The following MYO10 variants were observed in gnomAD, a reference collection of about 807,000 sequenced individuals.
MYO10 encodes the protein myosin X.
MYO10 carries 133 observed loss-of-function variants against 257.3 expected under a neutral mutation model. That is an observed-to-expected ratio of 0.52 (90% CI 0.45 to 0.60). The LOEUF (loss-of-function observed/expected upper bound fraction) is 0.60. Ranked by LOEUF, MYO10 falls within the 20% of genes least tolerant of loss-of-function variation. The pLI, the probability that MYO10 is intolerant of heterozygous loss-of-function variation, is 0.00. For synonymous variants in MYO10, 1,104 were observed against 1,028.6 expected (o/e 1.07, Z -1.40); for missense variants, 2,399 against 2,635.7 (o/e 0.91, Z 1.97).
At chr5:16,875,207 A>G (rs915752565) in intron 2 of MYO10, among the ~76,000 whole-genome samples, 1 of 149,602 alleles carries the variant, frequency 6.7e-6, no homozygotes, top group Admixed American at 6.6e-5. Flanking sequence ...CAACGCTTTC[A>G]GGAACACAGT....
intron 19 of MYO10, among the ~76,000 whole-genome samples, chr5:16,724,548 C>A (rs142526187): frequency 6.6e-6 from 1 of 151,258 alleles, no homozygotes. Context: ...ATGCCCAAAA[C>A]GCAGCTCGAT....
chr5:16,801,175 T>TA (rs1022167935), intron 3 of MYO10, among the ~76,000 whole-genome samples: 3 of 152,114 alleles, frequency 2.0e-5, no homozygotes, highest in Non-Finnish European at 2.9e-5. Context: ...AAAGAGCACT[T>TA]AAACAGCTGC....
intron 2 of MYO10, among the ~76,000 whole-genome samples, chr5:16,867,213 C>T (rs1474660523): frequency 6.6e-6 from 1 of 152,210 alleles, no homozygotes; most frequent in South Asian, 2.1e-4. Flanking sequence ...GCACTCAGAT[C>T]GGTCCTCCTC....
At chr5:16,686,739 C>T (rs745759884) in intron 28 of MYO10, among the ~76,000 whole-genome samples, 1 of 152,010 alleles carries the variant, frequency 6.6e-6, no homozygotes, top group African/African-American at 2.4e-5. Flanking sequence ...GTTGGCCAGG[C>T]TGGTCTTGAA....
chr5:16,823,834 A>T (rs1742917143), intron 2 of MYO10, among the ~76,000 whole-genome samples: 1 of 152,046 alleles, frequency 6.6e-6, no homozygotes, highest in South Asian at 2.1e-4. Context: ...CAAGGGCCAC[A>T]ATACTGTAAC....
At chr5:16,772,190 T>C (rs867472377) in intron 9 of MYO10, among the ~76,000 whole-genome samples, 59 of 151,638 alleles carry the variant, frequency 3.9e-4, no homozygotes, top group African/African-American at 1.3e-3. Context: ...TGGAGTGCAA[T>C]GGCATGATCT....
intron 19 of MYO10, among the ~76,000 whole-genome samples, chr5:16,730,790 T>A (rs1196882386): frequency 1.3e-5 from 2 of 152,148 alleles, no homozygotes; most frequent in African/African-American, 4.8e-5. Flanking sequence ...GGAACTCAAA[T>A]ATATTCAAAA....
intron 1 of MYO10, among the ~76,000 whole-genome samples, chr5:16,904,317 C>G (rs1421316930): frequency 2.0e-5 from 3 of 152,110 alleles, no homozygotes; most frequent in African/African-American, 7.2e-5. Context: ...TTACCACTAG[C>G]CAGTAAACGT....
chr5:16,780,529 TC>T lies in MYO10; in HGVS notation c.820del (p.Glu274LysfsTer16). ...CCAGCTGTCGTCCCACTCACCTCTT[TC>T]TTCATGTTCCAGCCCTGCCAGCAGT... ...YALLAGLEHEEREEFYLSTPE... is the reference protein window; with the variant it reads ...YALLAGLEHEXREEFYLSTPE... On this transcript the variant is annotated frameshift_variant, in exon 8 of 41. Transcript: ENST00000513610. LOFTEE classifies it high-confidence loss of function. The T allele has an allele frequency of 6.3e-7, 1 of 1,576,852 alleles. No individual in the cohort carries two copies. Among genetic ancestry groups the T allele is most frequent in the Non-Finnish European group, 8.6e-7 (1 of 1,159,140 alleles).
chr5:16,756,343 G>A (rs1375189585), intron 18 of MYO10, among the ~76,000 whole-genome samples: 2 of 152,186 alleles, frequency 1.3e-5, no homozygotes, highest in East Asian at 1.9e-4. Flanking sequence ...TGGGATTACA[G>A]GCATGTGTCA....
chr5:16,675,977 C>T, intron 34 of MYO10, 54 bp downstream of exon 34: 1 of 1,546,832 alleles, frequency 6.5e-7, no homozygotes, highest in Non-Finnish European at 8.7e-7. Context: ...AAAGAGTTAG[C>T]AGGGCAAGTG....
intron 2 of MYO10, 71 bp downstream of exon 2, chr5:16,877,538 C>T (rs1460195822): frequency 3.2e-6 from 4 of 1,250,718 alleles, no homozygotes; most frequent in African/African-American, 1.5e-5. Context: ...GGGCCAAGCA[C>T]ACATGCCCTG....
intron 19 of MYO10, chr5:16,713,266 T>C (rs910219237): frequency 2.1e-6 from 2 of 961,466 alleles, no homozygotes; most frequent in Non-Finnish European, 2.5e-6. Flanking sequence ...GAAGCTCGAG[T>C]TATTAAAACT....
Position 16,694,354 on chromosome 5 carries a change from C to T in MYO10, c.3800+17G>A, listed in dbSNP as rs1223571953. The T allele has an allele frequency of 1.9e-6, 3 of 1,613,690 alleles. No homozygotes were observed. In the South Asian group the frequency reaches 3.3e-5, roughly 18 times the overall value. On this transcript the variant is annotated intron_variant, in intron 27 of 40. Coordinates refer to ENST00000513610, the MANE Select transcript of MYO10 (RefSeq NM_012334.3). ...CATGAGCAACCCATCGGGCCACAGC[C>T]AGGCTTAGCAACCTACTTTGCCGTT...
intron 33 of MYO10, among the ~76,000 whole-genome samples, chr5:16,679,063 C>T (rs878984357): frequency 2.0e-5 from 3 of 152,228 alleles, no homozygotes; most frequent in Non-Finnish European, 2.9e-5. Context: ...AGCGACTACA[C>T]GTACTTATAA....
chr5:16,709,453 T>C lies in MYO10; in HGVS notation c.2169+1455A>G, dbSNP rs146904846. On this transcript the variant is annotated intron_variant, in intron 21 of 40. Transcript: ENST00000513610. ...AACGCTACAACCCTACGCTGGAGCATGTGGTTATCCTGCTGGCCTGAAAGA... is the reference window on the plus strand; with the variant it reads ...AACGCTACAACCCTACGCTGGAGCACGTGGTTATCCTGCTGGCCTGAAAGA... Among the ~76,000 whole-genome samples the C allele has an allele frequency of 2.8e-4, 43 of 152,270 alleles. No homozygotes were observed. The East Asian group carries it at 8.3e-3, about 29-fold the overall frequency.
chr5:16,692,546 T>C (rs1171975044), intron 27 of MYO10, among the ~76,000 whole-genome samples: 1 of 152,190 alleles, frequency 6.6e-6, no homozygotes, highest in Admixed American at 6.5e-5. Flanking sequence ...GATTATGTAT[T>C]AGAATGTTTA....
chr5:16,684,456 G>A (rs796253904), intron 29 of MYO10, among the ~76,000 whole-genome samples: 7 of 152,316 alleles, frequency 4.6e-5, no homozygotes, highest in African/African-American at 1.7e-4. Flanking sequence ...GGCCAGGCTG[G>A]TCTCAAATTC....
chr5:16,850,403 G>A lies in MYO10; in HGVS notation c.120+27206C>T, dbSNP rs186306106. Among the ~76,000 whole-genome samples the A allele has an allele frequency of 1.7e-3, 252 of 151,850 alleles. 1 individual carries two copies. The highest frequency in any genetic ancestry group is 5.5e-3 in the African/African-American group (227 of 41,426). On this transcript the variant is annotated intron_variant, in intron 2 of 40. Transcript: ENST00000513610. ...ATTGATTCTTCTGCCTCAGCCTCCC[G>A]AGTACCTGGGACTACAGGCGCGCAC...
Sources: gnomAD v4.1 joint callset for allele counts (sites outside exome capture counted in the v4.1 genomes callset) on GRCh38, gnomAD v4.1.1 for gene constraint, MANE v1.5 for transcripts, NCBI Gene and HGNC (gene_info 2026-07-23, HGNC 2026-07-21) for gene names.